SUN1: variants seen among roughly 807,000 people sequenced by gnomAD.
The protein encoded by SUN1 is Sad1 and UNC84 domain containing 1, also known as SUN domain-containing protein 1.
A neutral mutation model predicts 103.2 loss-of-function variants in SUN1; 61 were observed. The observed-to-expected ratio is 0.59, with a 90% CI of 0.48 to 0.73. SUN1 has a LOEUF of 0.73. SUN1 is among the 30% of genes least tolerant of loss of function. SUN1 has a pLI of 0.00. For synonymous variants in SUN1, 490 were observed against 425.7 expected, an observed-to-expected ratio of 1.15 and a Z score of -1.86; for missense variants, 1,052 against 1,034.6, an observed-to-expected ratio of 1.02 and a Z score of -0.23.
chr7:817,436 C>T (rs1485169578), intron 1 of SUN1: 2 of 1,535,906 alleles, frequency 1.3e-6, no homozygotes, highest in Non-Finnish European at 8.7e-7. Flanking sequence ...CGGCGGGGAA[C>T]ACCTTGCCAC....
At position 856,538 on chromosome 7, in the gene SUN1, G is replaced by C. The variant is rs182595835; in HGVS notation, c.1394+137G>C. 3.3e-6 allele frequency: 3 copies of C among 904,472 alleles called. No homozygotes were observed. In the East Asian group the frequency reaches 7.7e-5, roughly 23 times the overall value. 56.0% of individuals were successfully genotyped at this position (904,472 alleles called of 1,614,324 possible). On this transcript the variant is annotated intron_variant, in intron 12 of 18. Transcript: ENST00000401592. ...ACCTGAAGGCCCTGAGGTTCGTGCCGACAGACACTCCTGCTGGGCTGCGTG... is the reference window on the plus strand; with the variant it reads ...ACCTGAAGGCCCTGAGGTTCGTGCCCACAGACACTCCTGCTGGGCTGCGTG...
At chr7:872,449 T>A (rs764133135) in intron 17 of SUN1, 21 bp from the exon 18 acceptor site, 1 of 1,577,674 alleles carries the variant, frequency 6.3e-7, no homozygotes, top group Non-Finnish European at 8.6e-7. Flanking sequence ...CGTTCATAAT[T>A]GTGTATGGTC....
At chr7:860,504 T>C in intron 14 of SUN1, 122 bp downstream of exon 14, 1 of 1,487,438 alleles carries the variant, frequency 6.7e-7, no homozygotes, top group Non-Finnish European at 9.0e-7. Context: ...GGGGTGTGCT[T>C]AGCTGACGTA....
upstream of SUN1, among the ~76,000 whole-genome samples, chr7:827,476 T>TTTTG (rs199971443): frequency 1.1e-4 from 15 of 141,166 alleles, no homozygotes; most frequent in East Asian, 2.1e-3. Context: ...GTTTTTTTTT[T>TTTTG]TTTTTTTTTT....
chr7:863,389 C>T (rs910144837), intron 15 of SUN1, among the ~76,000 whole-genome samples: 12 of 152,304 alleles, frequency 7.9e-5, no homozygotes, highest in African/African-American at 2.4e-4. Context: ...GCTGCCTTCA[C>T]GGCCAACTTG....
chr7:858,702 A>C (rs150241887), intron 13 of SUN1, among the ~76,000 whole-genome samples: 4 of 152,384 alleles, frequency 2.6e-5, no homozygotes, highest in African/African-American at 9.6e-5. Context: ...CTAGACATTT[A>C]GAGCTGCTTA....
intron 14 of SUN1, 37 bp downstream of exon 14, chr7:860,419 T>A: frequency 6.2e-7 from 1 of 1,605,302 alleles, no homozygotes; most frequent in Non-Finnish European, 8.5e-7. Flanking sequence ...ATGCTTACAG[T>A]CCATTCTGTG....
intron 5 of SUN1, among the ~76,000 whole-genome samples, chr7:844,081 C>T (rs1050787186): frequency 3.9e-5 from 6 of 152,222 alleles, no homozygotes; most frequent in Admixed American, 2.0e-4. Flanking sequence ...ACATGGGCTT[C>T]CCTCAGAGGC....
At chr7:825,351 C>T (rs530538621) in intron 1 of SUN1, among the ~76,000 whole-genome samples, 8 of 152,282 alleles carry the variant, frequency 5.3e-5, no homozygotes, top group South Asian at 4.1e-4. Context: ...CATGAGCCAC[C>T]GCACTTGGCC....
chr7:872,264 A>G lies in SUN1; in HGVS notation c.2149-206A>G, dbSNP rs148884591. On this transcript the variant is annotated intron_variant, in intron 17 of 18. Coordinates refer to ENST00000401592, the MANE Select transcript of SUN1 (RefSeq NM_001130965.3). Reference sequence around the variant, plus strand: ...CGGGGAATCGTGCTGACCTCAGGACATGTCGTGGGTTACATGAAGCCCTCA... The same window carrying G: ...CGGGGAATCGTGCTGACCTCAGGACGTGTCGTGGGTTACATGAAGCCCTCA... 1.4e-4 allele frequency among the ~76,000 whole-genome samples: 21 copies of G among 152,286 alleles called. No homozygotes were observed. In the East Asian group the frequency reaches 3.9e-3, roughly 28 times the overall value.
chr7:819,995 A>G (rs1252820478), intron 1 of SUN1, among the ~76,000 whole-genome samples: 2 of 152,112 alleles, frequency 1.3e-5, no homozygotes, highest in Non-Finnish European at 2.9e-5. Flanking sequence ...GTAAGTTTTG[A>G]AGCTAGGAAG....
At position 851,451 on chromosome 7, in the gene SUN1, G is replaced by T; in HGVS notation, c.726G>T (p.Trp242Cys). The change falls in exon 6 of 19, where the codon TGG becomes TGT. Residue 242 changes from tryptophan (W) to cysteine (C), a missense_variant. By Grantham distance (215) the Trp-to-Cys change is radical. Transcript: ENST00000401592. ...GCCAGGCTGTGTCCAGGACGGCGTGGTCGGCCCTTTGGCTGGCCGTGGTTG... is the reference window on the plus strand; with the variant it reads ...GCCAGGCTGTGTCCAGGACGGCGTGTTCGGCCCTTTGGCTGGCCGTGGTTG... ...AVGQAVSRTA[W>C]SALWLAVVAP... 6.2e-7 allele frequency: 1 copy of T among 1,609,806 alleles called. No homozygotes were observed. Among genetic ancestry groups the T allele is most frequent in the Non-Finnish European group, 8.5e-7 (1 of 1,178,130 alleles).
At chr7:832,409 TGA>T, upstream of SUN1, 1 of 1,010,322 alleles carries the variant, frequency 9.9e-7, no homozygotes, top group Admixed American at 2.0e-5. Flanking sequence ...TGACCTGAGT[TGA>T]GTTGCGTGTA....
At chr7:870,366 G>A (rs1442688067) in intron 17 of SUN1, among the ~76,000 whole-genome samples, 2 of 152,136 alleles carry the variant, frequency 1.3e-5, no homozygotes, top group Middle Eastern at 3.4e-3. Flanking sequence ...GAGGTGGGTG[G>A]ATCACCTGAG....
intron 1 of SUN1, among the ~76,000 whole-genome samples, chr7:823,666 T>G (rs1009461924): frequency 6.6e-6 from 1 of 152,120 alleles, no homozygotes; most frequent in Non-Finnish European, 1.5e-5. Context: ...GTAGGCAGAT[T>G]TCTCTGTAGA....
chr7:845,320 C>T (rs144998881), intron 5 of SUN1, among the ~76,000 whole-genome samples: 2 of 152,294 alleles, frequency 1.3e-5, no homozygotes, highest in East Asian at 1.9e-4. Flanking sequence ...CGCCTCCCCG[C>T]GGATGTCGGT....
upstream of SUN1, chr7:831,109 A>T (rs1797510234): frequency 1.0e-5 from 7 of 670,992 alleles, no homozygotes; most frequent in South Asian, 3.9e-4. Context: ...ACAGGTATTA[A>T]CTATTACGTG....
Position 853,511 on chromosome 7 carries a change from C to A in SUN1, c.1156C>A (p.Leu386Met), listed in dbSNP as rs1486910034. Reference protein sequence around the residue: ...CHHHGENLRELTTLLQKLQAR... With the variant: ...CHHHGENLREMTTLLQKLQAR... ...CCACCATGGTGAGAATCTCCGAGAGCTGACCACTTTGCTACAGAAGCTGCA... is the reference window on the plus strand; with the variant it reads ...CCACCATGGTGAGAATCTCCGAGAGATGACCACTTTGCTACAGAAGCTGCA... The change falls in exon 10 of 19, where the codon CTG (leucine) becomes ATG (methionine). Residue 386 changes from leucine (L) to methionine (M), a missense_variant. Coordinates refer to ENST00000401592, the MANE Select transcript of SUN1 (RefSeq NM_001130965.3). 3 of 1,613,802 alleles carry A rather than the reference C, an allele frequency of 1.9e-6. No individual in the cohort carries two copies. Among genetic ancestry groups the A allele is most frequent in the African/African-American group, 2.7e-5 (2 of 74,952 alleles).
chr7:865,531 A>G (rs1835758444), intron 15 of SUN1, among the ~76,000 whole-genome samples: 2 of 152,240 alleles, frequency 1.3e-5, no homozygotes, highest in African/African-American at 4.8e-5. Flanking sequence ...ACTGTAAACA[A>G]GCAGTGCTGC....
Sources: gnomAD v4.1 joint callset for allele counts (sites outside exome capture counted in the v4.1 genomes callset) on GRCh38, gnomAD v4.1.1 for gene constraint, MANE v1.5 for transcripts, NCBI Gene and HGNC (gene_info 2026-07-23, HGNC 2026-07-21) for gene names.